The following SVEP1 variants were observed in gnomAD, a reference collection of about 807,000 sequenced individuals.
SVEP1 encodes sushi, von Willebrand factor type A, EGF and pentraxin domain containing 1.
SVEP1 carries 164 observed loss-of-function variants against 367.3 expected under a neutral mutation model. The observed-to-expected ratio is 0.45, with a 90% CI of 0.39 to 0.51. The LOEUF is 0.51. SVEP1 is among the 20% of genes least tolerant of loss of function. SVEP1 has a pLI of 0.00. For missense variants in SVEP1, 4,117 were observed against 4,425.3 expected (o/e 0.93, Z 1.98); for synonymous variants, 1,666 against 1,611.6 (o/e 1.03, Z -0.81).
At chr9:110,519,583 C>T (rs1829852437) in intron 3 of SVEP1, among the ~76,000 whole-genome samples, 1 of 152,180 alleles carries the variant, frequency 6.6e-6, no homozygotes, top group African/African-American at 2.4e-5. Context: ...TTTCTCATTC[C>T]TTCAGTGGGA....
At position 110,366,484 on chromosome 9, in the gene SVEP1, C is replaced by T; in HGVS notation, c.*55G>A. On this transcript the variant is annotated 3_prime_UTR_variant, in exon 48 of 48. Coordinates refer to ENST00000374469, the MANE Select transcript of SVEP1 (RefSeq NM_153366.4). ...TTGCATAAGTTCCAGGATGCCCAGG[C>T]ACTACCGAGGAGAGATGATCCTGCT... is the stretch of plus-strand genomic sequence containing the variant. 1 of 1,478,216 alleles carries T rather than the reference C, an allele frequency of 6.8e-7. No homozygotes were observed. Among genetic ancestry groups the T allele is most frequent in the South Asian group, 1.5e-5 (1 of 67,358 alleles). 91.6% of individuals were successfully genotyped at this position (1,478,216 alleles called of 1,614,324 possible).
intron 7 of SVEP1, among the ~76,000 whole-genome samples, chr9:110,497,912 G>A (rs1339645010): frequency 1.1e-4 from 17 of 152,000 alleles, no homozygotes; most frequent in Admixed American, 9.8e-4. Context: ...TTCTCAAAGG[G>A]GCTTATACTT....
chr9:110,479,900 G>A, intron 12 of SVEP1, 144 bp from the exon 13 acceptor site: 2 of 1,139,984 alleles, frequency 1.8e-6, no homozygotes, highest in Non-Finnish European at 2.5e-6. Context: ...CAGTTAAGGA[G>A]AGTTTCTAGG....
chr9:110,397,734 C>A (rs139546070), intron 40 of SVEP1, among the ~76,000 whole-genome samples: 18,211 of 152,110 alleles, frequency 0.12, 1,175 homozygotes, highest in African/African-American at 0.13. Context: ...AGTGAACTCC[C>A]ATTCACAATT....
intron 1 of SVEP1, among the ~76,000 whole-genome samples, chr9:110,556,347 G>A (rs1830358190): frequency 6.6e-6 from 1 of 152,090 alleles, no homozygotes; most frequent in African/African-American, 2.4e-5. Flanking sequence ...TCTGGCATGG[G>A]GACAGTGTTT....
intron 3 of SVEP1, among the ~76,000 whole-genome samples, chr9:110,524,732 A>T (rs776090938): frequency 3.5e-5 from 5 of 141,440 alleles, no homozygotes; most frequent in Non-Finnish European, 7.8e-5. Flanking sequence ...TTTTTTTTTA[A>T]GCAGGGTCTC....
At chr9:110,432,400 G>A in intron 31 of SVEP1, 62 bp downstream of exon 31, 4 of 1,528,574 alleles carry the variant, frequency 2.6e-6, no homozygotes, top group Non-Finnish European at 3.5e-6. Flanking sequence ...CAGGAATTTG[G>A]GATGACTGTC....
chr9:110,397,260 A>G (rs1409843623), intron 40 of SVEP1, among the ~76,000 whole-genome samples: 1 of 152,278 alleles, frequency 6.6e-6, no homozygotes, highest in East Asian at 1.9e-4. Flanking sequence ...TTATCTCAAT[A>G]GATGCAGAAA....
At chr9:110,378,972 TA>T (rs1188448647) in intron 44 of SVEP1, among the ~76,000 whole-genome samples, 1 of 152,154 alleles carries the variant, frequency 6.6e-6, no homozygotes, top group Non-Finnish European at 1.5e-5. Flanking sequence ...CTCAATTATT[TA>T]GTTCCTTGGT....
chr9:110,542,152 G>C (rs1426259454), intron 3 of SVEP1, among the ~76,000 whole-genome samples: 13 of 152,062 alleles, frequency 8.5e-5, no homozygotes, highest in Admixed American at 2.6e-4. Context: ...TGTTGTCTCT[G>C]AGAAGCAATG....
intron 3 of SVEP1, among the ~76,000 whole-genome samples, chr9:110,516,783 G>A (rs536167352): frequency 6.6e-6 from 1 of 152,186 alleles, no homozygotes; most frequent in East Asian, 1.9e-4. Flanking sequence ...AGTAATGGTT[G>A]TGATATTAGT....
intron 18 of SVEP1, among the ~76,000 whole-genome samples, chr9:110,460,165 GAC>G (rs1440824543): frequency 2.0e-5 from 3 of 151,844 alleles, no homozygotes; most frequent in African/African-American, 4.8e-5. Context: ...TTGATTTTTT[GAC>G]ACAATTATTT....
Position 110,432,448 on chromosome 9 carries a change from A to T in SVEP1, c.5233+14T>A, listed in dbSNP as rs1828364578. 6.2e-7 allele frequency: 1 copy of T among 1,605,420 alleles called. No individual in the cohort carries two copies. Among genetic ancestry groups the T allele is most frequent in the South Asian group, 1.1e-5 (1 of 89,398 alleles). ...AGAATAATCTCATATAGTAGTTGCCAACATTTATCTCACCAAGGCAGGATG... is the reference window on the plus strand; with the variant it reads ...AGAATAATCTCATATAGTAGTTGCCTACATTTATCTCACCAAGGCAGGATG... On this transcript the variant is annotated intron_variant, in intron 31 of 47. Coordinates refer to ENST00000374469, the MANE Select transcript of SVEP1 (RefSeq NM_153366.4).
intron 3 of SVEP1, among the ~76,000 whole-genome samples, chr9:110,535,614 G>C: frequency 6.6e-6 from 1 of 151,874 alleles, no homozygotes. Flanking sequence ...TATGGCCATA[G>C]TAATACTGAT....
At chr9:110,523,528 A>G (rs1829904309) in intron 3 of SVEP1, among the ~76,000 whole-genome samples, 2 of 152,328 alleles carry the variant, frequency 1.3e-5, no homozygotes, top group Middle Eastern at 3.4e-3. Context: ...TACATCAAAT[A>G]TAAGTAGTCT....
chr9:110,371,790 A>T (rs1434271203), intron 46 of SVEP1, among the ~76,000 whole-genome samples: 4 of 152,184 alleles, frequency 2.6e-5, no homozygotes, highest in Non-Finnish European at 5.9e-5. Context: ...CTGTCTCTCA[A>T]ATCTGCTCTT....
At chr9:110,486,468 A>G (rs557040867) in intron 9 of SVEP1, among the ~76,000 whole-genome samples, 1 of 152,294 alleles carries the variant, frequency 6.6e-6, no homozygotes, top group East Asian at 1.9e-4. Flanking sequence ...CTCATTTATC[A>G]TAAGGGTGAC....
chr9:110,574,278 A>C (rs1766711842), intron 1 of SVEP1, among the ~76,000 whole-genome samples: 1 of 152,224 alleles, frequency 6.6e-6, no homozygotes, highest in South Asian at 2.1e-4. Flanking sequence ...TTTGCCTGTG[A>C]TTGTGTCTGT....
At chr9:110,384,495 AAACATTCT>A (rs1324657223) in intron 43 of SVEP1, among the ~76,000 whole-genome samples, 2 of 150,790 alleles carry the variant, frequency 1.3e-5, no homozygotes, top group Non-Finnish European at 3.0e-5. Context: ...CCCGCAAAAT[AAACATTCT>A]AATACTGCAA....
Sources: gnomAD v4.1 joint callset for allele counts (sites outside exome capture counted in the v4.1 genomes callset) on GRCh38, gnomAD v4.1.1 for gene constraint, MANE v1.5 for transcripts, NCBI Gene and HGNC (gene_info 2026-07-23, HGNC 2026-07-21) for gene names.